Variants in PCDH9 observed in about 807,000 individuals in gnomAD.
PCDH9 encodes protocadherin 9.
A neutral mutation model predicts 70.6 loss-of-function variants in PCDH9; 24 were observed. The ratio of observed to expected loss-of-function variants is 0.34; its 90% confidence interval spans 0.25 to 0.48. The LOEUF (loss-of-function observed/expected upper bound fraction) is 0.48, where lower values mean the gene tolerates loss of function less well. PCDH9 is among the 20% of genes least tolerant of loss of function. The pLI, the probability that PCDH9 is intolerant of heterozygous loss-of-function variation, is 0.99. For synonymous variants in PCDH9, 562 were observed against 558.5 expected, an observed-to-expected ratio of 1.01 and a Z score of -0.09; for missense variants, 1,281 against 1,503.6, an observed-to-expected ratio of 0.85 and a Z score of 2.45.
intron 2 of PCDH9, among the ~76,000 whole-genome samples, chr13:67,072,059 A>C (rs1025361890): frequency 6.6e-6 from 1 of 152,160 alleles, no homozygotes; most frequent in Non-Finnish European, 1.5e-5. Context: ...AATCATTAAG[A>C]GATGTAATTC....
At chr13:67,036,966 T>C (rs2085021706) in intron 2 of PCDH9, among the ~76,000 whole-genome samples, 1 of 152,192 alleles carries the variant, frequency 6.6e-6, no homozygotes, top group Non-Finnish European at 1.5e-5. Flanking sequence ...TATGAATCAC[T>C]GCCAAGGAAA....
intron 3 of PCDH9, among the ~76,000 whole-genome samples, chr13:66,676,390 T>C (rs1008916097): frequency 7.0e-6 from 1 of 142,998 alleles, no homozygotes; most frequent in Non-Finnish European, 1.6e-5. Context: ...GAACTAAGCT[T>C]ATACATTACT....
chr13:67,052,496 C>A (rs1002894004), intron 2 of PCDH9, among the ~76,000 whole-genome samples: 1 of 151,642 alleles, frequency 6.6e-6, no homozygotes, highest in Non-Finnish European at 1.5e-5. Context: ...GAAAAATCCA[C>A]GGGAAGTTTT....
At chr13:67,184,401 T>C (rs556593572) in intron 2 of PCDH9, among the ~76,000 whole-genome samples, 2 of 152,084 alleles carry the variant, frequency 1.3e-5, no homozygotes. Context: ...CGCATTCAGA[T>C]CTCTGTGAAT....
Position 67,228,145 on chromosome 13 carries a change from G to A in PCDH9, c.296C>T (p.Ala99Val). 2 of 1,614,068 alleles carry A rather than the reference G, an allele frequency of 1.2e-6. No homozygotes were observed. Among genetic ancestry groups the A allele is most frequent in the Non-Finnish European group, 1.7e-6 (2 of 1,179,952 alleles). The change falls in exon 2 of 5, where the codon GCT becomes GTT. Residue 99 changes from alanine to valine, a missense_variant. Physicochemically the swap from Ala to Val is moderately conservative, Grantham distance 64 (BLOSUM62 0). Around this residue, in one of 4 missense-constraint regions of PCDH9, gnomAD observed 798 missense variants for 1,003.1 expected, o/e 0.80. Coordinates refer to ENST00000377865, the MANE Select transcript of PCDH9 (RefSeq NM_203487.3). ...ATTCTCCTCAGCATATGAGGCGCCAGCACAGAGTTTTTCTCTGTCTATTCT... is the reference window on the plus strand; with the variant it reads ...ATTCTCCTCAGCATATGAGGCGCCAACACAGAGTTTTTCTCTGTCTATTCT... ...SNRIDREKLC[A>V]GASYAEENEC...
At chr13:66,450,171 A>G (rs1485705298) in intron 4 of PCDH9, among the ~76,000 whole-genome samples, 1 of 152,208 alleles carries the variant, frequency 6.6e-6, no homozygotes, top group East Asian at 1.9e-4. Context: ...ATGATCTTTC[A>G]ATATTGTATA....
At chr13:66,405,322 T>G (rs1302110158) in intron 4 of PCDH9, among the ~76,000 whole-genome samples, 7 of 152,216 alleles carry the variant, frequency 4.6e-5, no homozygotes, top group African/African-American at 1.7e-4. Context: ...TGCAAATAAC[T>G]GGTGGTTGCT....
At chr13:66,780,315 A>G (rs1161544199) in intron 3 of PCDH9, among the ~76,000 whole-genome samples, 1 of 152,176 alleles carries the variant, frequency 6.6e-6, no homozygotes, top group Admixed American at 6.5e-5. Flanking sequence ...AAATATTTCC[A>G]AAGACATGGT....
intron 4 of PCDH9, among the ~76,000 whole-genome samples, chr13:66,413,554 T>C (rs1957408813): frequency 6.6e-6 from 1 of 151,790 alleles, no homozygotes. Flanking sequence ...GGCATGGTGG[T>C]GGGCGCCTGT....
chr13:66,534,112 C>G lies in PCDH9; in HGVS notation c.3340+97098G>C, dbSNP rs546805451. 5.9e-5 allele frequency among the ~76,000 whole-genome samples: 9 copies of G among 152,164 alleles called. No homozygotes were observed. The South Asian group carries it at 1.5e-3, about 25-fold the overall frequency. ...AACAAATTCACAACTGAAAATGCAG[C>G]TAGCCCCAGCTACCATGTCACACTG... On this transcript the variant is annotated intron_variant, in intron 4 of 4. Coordinates refer to ENST00000377865, the MANE Select transcript of PCDH9 (RefSeq NM_203487.3).
intron 4 of PCDH9, among the ~76,000 whole-genome samples, chr13:66,555,941 TTA>T (rs1293355482): frequency 6.8e-6 from 1 of 148,148 alleles, no homozygotes; most frequent in African/African-American, 2.4e-5. Context: ...TATATACATA[TTA>T]TATATATAAG....
chr13:67,104,217 T>C (rs184178906), intron 2 of PCDH9, among the ~76,000 whole-genome samples: 2 of 152,308 alleles, frequency 1.3e-5, no homozygotes, highest in Admixed American at 1.3e-4. Context: ...GTGAGGATAA[T>C]AAGAAACATG....
Position 66,520,886 on chromosome 13 carries a change from ACTAT to A in PCDH9, c.3340+110320_3340+110323del, listed in dbSNP as rs533690241. 2.1e-4 allele frequency among the ~76,000 whole-genome samples: 32 copies of A among 152,304 alleles called. 1 individual carries two copies. Among genetic ancestry groups the A allele is most frequent in the Admixed American group, 1.2e-3 (18 of 15,290 alleles). On this transcript the variant is annotated intron_variant, in intron 4 of 4. Transcript: ENST00000377865. ...AATGAAATGCTTCATGATTAATGACACTATCTAAATACTGGCAGAAGCTGGTGAG... is the reference window on the plus strand; with the variant it reads ...AATGAAATGCTTCATGATTAATGACACTAAATACTGGCAGAAGCTGGTGAG...
At chr13:66,390,772 CA>C (rs1313630693) in intron 4 of PCDH9, among the ~76,000 whole-genome samples, 6 of 151,536 alleles carry the variant, frequency 4.0e-5, no homozygotes, top group Admixed American at 3.9e-4. Flanking sequence ...ATCCCACCTA[CA>C]ACATTGCCTT....
intron 2 of PCDH9, among the ~76,000 whole-genome samples, chr13:66,926,653 A>G (rs534805724): frequency 8.5e-5 from 13 of 152,234 alleles, no homozygotes; most frequent in East Asian, 3.9e-4. Flanking sequence ...ATTATGTTGT[A>G]AAACTGTTTT....
intron 2 of PCDH9, among the ~76,000 whole-genome samples, chr13:67,095,162 T>C (rs1053210379): frequency 7.9e-5 from 12 of 152,156 alleles, no homozygotes; most frequent in Non-Finnish European, 1.2e-4. Context: ...AGTCTTTGGA[T>C]TGTGTGTTAT....
At chr13:66,363,532 G>A (rs946477886) in intron 4 of PCDH9, among the ~76,000 whole-genome samples, 3 of 152,092 alleles carry the variant, frequency 2.0e-5, no homozygotes, top group African/African-American at 7.2e-5. Flanking sequence ...TGCAGGGGGT[G>A]TTTCACAAAA....
chr13:66,670,348 C>T (rs576900343), intron 3 of PCDH9, among the ~76,000 whole-genome samples: 3 of 152,212 alleles, frequency 2.0e-5, no homozygotes, highest in East Asian at 3.9e-4. Flanking sequence ...AGTAATATCA[C>T]TAATATCAAT....
At chr13:66,381,687 A>T (rs1956850927) in intron 4 of PCDH9, among the ~76,000 whole-genome samples, 1 of 152,186 alleles carries the variant, frequency 6.6e-6, no homozygotes, top group African/African-American at 2.4e-5. Context: ...AAGCAGTCAA[A>T]ATTTTAAACT....
Sources: allele counts gnomAD v4.1 joint callset (sites outside exome capture counted in the v4.1 genomes callset), GRCh38; gene constraint gnomAD v4.1.1; regional missense constraint gnomAD v4.1.1; transcripts MANE v1.5; gene names NCBI Gene and HGNC (gene_info 2026-07-23, HGNC 2026-07-21).